Variants in MIGA1 observed in about 807,000 individuals in gnomAD.
MIGA1 encodes mitoguardin 1.
Under a neutral mutation model 82.0 loss-of-function variants are expected in MIGA1, and 58 were observed. The observed-to-expected ratio is 0.71, with a 90% CI of 0.57 to 0.88. The LOEUF (loss-of-function observed/expected upper bound fraction) is 0.88. Among genes scored for constraint, MIGA1 ranks in the 40% least tolerant of loss-of-function variants. The pLI is 0.00. For missense variants in MIGA1, 751 were observed against 749.1 expected (o/e 1.00, Z -0.03); for synonymous variants, 249 against 253.6 (o/e 0.98, Z 0.17).
At chr1:77,856,802 T>G (rs1431107636) in intron 8 of MIGA1, among the ~76,000 whole-genome samples, 1 of 152,138 alleles carries the variant, frequency 6.6e-6, no homozygotes, top group Non-Finnish European at 1.5e-5. Flanking sequence ...GTCTATCAAT[T>G]TTATTTATCT....
intron 12 of MIGA1, among the ~76,000 whole-genome samples, chr1:77,862,973 C>T (rs1474156587): frequency 6.6e-6 from 1 of 150,994 alleles, no homozygotes; most frequent in African/African-American, 2.4e-5. Context: ...AGTGAGTTTA[C>T]AAGCAGCTGA....
chr1:77,781,175 C>T (rs1474949255), intron 1 of MIGA1, among the ~76,000 whole-genome samples: 4 of 152,042 alleles, frequency 2.6e-5, no homozygotes, highest in Non-Finnish European at 5.9e-5. Flanking sequence ...TCCCAAAATG[C>T]TGGGATTACA....
intron 8 of MIGA1, among the ~76,000 whole-genome samples, chr1:77,846,827 G>T (rs546620926): frequency 1.3e-5 from 2 of 152,120 alleles, no homozygotes; most frequent in Admixed American, 1.3e-4. Flanking sequence ...GGCGCCTGTA[G>T]TCCCTGCTAC....
chr1:77,805,461 C>CTTTTTTTT (rs11408292), intron 4 of MIGA1, among the ~76,000 whole-genome samples: 11 of 110,340 alleles, frequency 1.0e-4, no homozygotes, highest in East Asian at 2.7e-4. Flanking sequence ...TATGCCTATT[C>CTTTTTTTT]TTTTTTTTTT....
rs1191754489 is a variant in MIGA1, at chr1:77,844,129, TATATATATAG to T, written c.996+726_996+735del. Among the ~76,000 whole-genome samples the T allele has an allele frequency of 1.8e-3, 207 of 117,398 alleles. 4 individuals carry two copies. Among genetic ancestry groups the T allele is most frequent in the Non-Finnish European group, 1.8e-3 (108 of 61,266 alleles). 77.0% of individuals were successfully genotyped at this position (117,398 alleles called of 152,430 possible). On this transcript the variant is annotated intron_variant, in intron 8 of 15. Coordinates refer to ENST00000370791, the MANE Select transcript of MIGA1 (RefSeq NM_198549.4). Reference sequence around the variant, plus strand: ...AAAAAAAAAAATATATATATATATATATATATATAGATAGATAGATAGATAGATAGATAGA... The same window carrying T: ...AAAAAAAAAAATATATATATATATATATAGATAGATAGATAGATAGATAGA...
intron 14 of MIGA1, among the ~76,000 whole-genome samples, chr1:77,872,390 C>T (rs1208022324): frequency 6.6e-6 from 1 of 152,062 alleles, no homozygotes; most frequent in Non-Finnish European, 1.5e-5. Context: ...TGCTTGAGCC[C>T]AGGAGTTCAA....
chr1:77,844,133 TATATAG>T (rs746501418), intron 8 of MIGA1, among the ~76,000 whole-genome samples: 1,798 of 112,966 alleles, frequency 0.016, 24 homozygotes, highest in African/African-American at 0.021. Context: ...TATATATATA[TATATAG>T]ATAGATAGAT....
At chr1:77,819,418 G>A (rs889156070) in intron 7 of MIGA1, among the ~76,000 whole-genome samples, 3 of 151,852 alleles carry the variant, frequency 2.0e-5, no homozygotes, top group African/African-American at 7.3e-5. Context: ...TGAGTAGCTG[G>A]TATTACAGGC....
At position 77,875,298 on chromosome 1, in the gene MIGA1, A is replaced by G. The variant is rs973217690; in HGVS notation, c.*234A>G. ...CATTCATTAGGTAATAATTGAAGTCATGAAATGTATATTTTACAGAAATAT... is the reference window on the plus strand; with the variant it reads ...CATTCATTAGGTAATAATTGAAGTCGTGAAATGTATATTTTACAGAAATAT... On this transcript the variant is annotated 3_prime_UTR_variant, in exon 16 of 16. Transcript: ENST00000370791. 4 of 418,786 alleles carry G rather than the reference A, an allele frequency of 9.6e-6. No individual in the cohort carries two copies. The highest frequency in any genetic ancestry group is 6.1e-5 in the African/African-American group (3 of 48,996). 25.9% of individuals were successfully genotyped at this position (418,786 alleles called of 1,614,324 possible).
At chr1:77,807,971 A>C (rs954361950) in intron 5 of MIGA1, among the ~76,000 whole-genome samples, 1 of 151,856 alleles carries the variant, frequency 6.6e-6, no homozygotes. Context: ...GGTGTGCATC[A>C]CCACCCCTGG....
chr1:77,832,436 TACAC>T (rs1378841445), intron 7 of MIGA1, among the ~76,000 whole-genome samples: 2 of 152,170 alleles, frequency 1.3e-5, no homozygotes, highest in Non-Finnish European at 1.5e-5. Context: ...CATTAAAAAA[TACAC>T]AGACAGTGGA....
intron 1 of MIGA1, among the ~76,000 whole-genome samples, chr1:77,781,402 T>G (rs1355941050): frequency 6.6e-6 from 1 of 152,194 alleles, no homozygotes. Flanking sequence ...TAAAAATGTT[T>G]CTCAAAATAA....
rs1418207869 is a variant in MIGA1, at chr1:77,811,330, C to A, written c.638-2404C>A. 5 of 1,606,694 alleles carry A rather than the reference C, an allele frequency of 3.1e-6. No homozygotes were observed. The East Asian group carries it at 1.1e-4, about 36-fold the overall frequency. ...CCTTGGTAATAAAGTACCGGGAACT[C>A]TAGCAGGAAAAGAATCAGGAGACCC... On this transcript the variant is annotated intron_variant, in intron 5 of 15. Coordinates refer to ENST00000370791, the MANE Select transcript of MIGA1 (RefSeq NM_198549.4).
chr1:77,843,212 A>T, intron 7 of MIGA1, 95 bp from the exon 8 acceptor site: 1 of 848,826 alleles, frequency 1.2e-6, no homozygotes, highest in Non-Finnish European at 1.9e-6. Context: ...GTCTAAATAA[A>T]GACTGGGGGA....
At chr1:77,848,347 A>T (rs1368069515) in intron 8 of MIGA1, 5 of 1,231,064 alleles carry the variant, frequency 4.1e-6, no homozygotes, top group Admixed American at 2.1e-5. Flanking sequence ...CGACACAGTG[A>T]GAAAGGAGAG....
Position 77,877,695 on chromosome 1 carries a change from A to C in MIGA1, c.*2631A>C, listed in dbSNP as rs769805050. ...AGTAAATGTAATTTATTTTAGAAAG[A>C]TATTATTTGAAATCAATTTTGAAGA... On this transcript the variant is annotated 3_prime_UTR_variant, in exon 16 of 16. Coordinates refer to ENST00000370791, the MANE Select transcript of MIGA1 (RefSeq NM_198549.4). 1.3e-5 allele frequency: 2 copies of C among 152,642 alleles called. No homozygotes were observed. The highest frequency in any genetic ancestry group is 4.8e-5 in the African/African-American group (2 of 41,466). 9.5% of individuals were successfully genotyped at this position (152,642 alleles called of 1,614,324 possible). A position where few individuals can be genotyped will look rare whatever the true frequency, so the allele number is the denominator to read the frequency against.
chr1:77,863,352 T>TTTCTGCCAA (rs1685543033), intron 12 of MIGA1, among the ~76,000 whole-genome samples: 1 of 152,232 alleles, frequency 6.6e-6, no homozygotes, highest in Non-Finnish European at 1.5e-5. Context: ...ATTCTCCACA[T>TTTCTGCCAA]TTCTGCCAAA....
rs1293058551 is a variant in MIGA1 at position 77,875,887 on chromosome 1, C to T, written c.*823C>T. 6.6e-6 allele frequency: 1 copy of T among 152,120 alleles called. No homozygotes were observed. Among genetic ancestry groups the T allele is most frequent in the African/African-American group, 2.4e-5 (1 of 41,406 alleles). The allele number at this position is 152,120 out of a possible 1,614,324, so 9.4% of individuals were successfully genotyped here. A position where few individuals can be genotyped will look rare whatever the true frequency, so the allele number is the denominator to read the frequency against. ...GTGGTTCATGCCTGTAATCCTAGCA[C>T]TTTGGGAGGCCAAGGTGGGCGGATC... On this transcript the variant is annotated 3_prime_UTR_variant, in exon 16 of 16. Coordinates refer to ENST00000370791, the MANE Select transcript of MIGA1 (RefSeq NM_198549.4).
chr1:77,796,906 C>A (rs189488045), intron 2 of MIGA1, among the ~76,000 whole-genome samples: 3 of 152,232 alleles, frequency 2.0e-5, no homozygotes. Context: ...ACCACAGCAC[C>A]AAACAGAACA....
Sources: allele counts gnomAD v4.1 joint callset (sites outside exome capture counted in the v4.1 genomes callset), GRCh38; gene constraint gnomAD v4.1.1; transcripts MANE v1.5; gene names NCBI Gene and HGNC (gene_info 2026-07-23, HGNC 2026-07-21).